The following EPHB1 variants were observed in gnomAD, a reference collection of about 807,000 sequenced individuals.
The protein encoded by EPHB1 is EPH receptor B1.
EPHB1 carries 30 observed loss-of-function variants against 94.4 expected under a neutral mutation model. The observed-to-expected ratio is 0.32, with a 90% CI of 0.24 to 0.43. The LOEUF (loss-of-function observed/expected upper bound fraction) is 0.43, where lower values mean the gene tolerates loss of function less well. EPHB1 is among the 20% of genes least tolerant of loss of function. EPHB1 has a pLI of 1.00. For synonymous variants in EPHB1, 522 were observed against 489.1 expected, an observed-to-expected ratio of 1.07 and a Z score of -0.89; for missense variants, 1,055 against 1,308.3, an observed-to-expected ratio of 0.81 and a Z score of 2.99.
intron 1 of EPHB1, among the ~76,000 whole-genome samples, chr3:134,860,361 A>G (rs1028978886): frequency 5.9e-5 from 9 of 152,176 alleles, no homozygotes; most frequent in Non-Finnish European, 1.3e-4. Context: ...ACCTAGCCAA[A>G]GAAAGGGGCC....
chr3:135,021,126 T>C (rs746367355), intron 3 of EPHB1, among the ~76,000 whole-genome samples: 6 of 152,214 alleles, frequency 3.9e-5, no homozygotes, highest in Non-Finnish European at 8.8e-5. Flanking sequence ...ACCTCTCTTA[T>C]TGTTTTTACA....
chr3:135,055,445 T>C (rs1031184191), intron 3 of EPHB1, among the ~76,000 whole-genome samples: 1 of 152,306 alleles, frequency 6.6e-6, no homozygotes, highest in Non-Finnish European at 1.5e-5. Context: ...ACTCATACCA[T>C]GATCCCCATT....
intron 3 of EPHB1, among the ~76,000 whole-genome samples, chr3:135,069,273 A>C (rs1937630950): frequency 6.6e-6 from 1 of 152,048 alleles, no homozygotes; most frequent in South Asian, 2.1e-4. Context: ...AAAACAAAAC[A>C]AAACCTCTGA....
chr3:135,037,851 T>A (rs115651206), intron 3 of EPHB1, among the ~76,000 whole-genome samples: 584 of 152,338 alleles, frequency 3.8e-3, no homozygotes, highest in Non-Finnish European at 6.9e-3. Context: ...CCAGGTTTTC[T>A]CTGCCTCCTC....
chr3:135,197,614 C>G (rs1407643909), intron 11 of EPHB1, among the ~76,000 whole-genome samples: 4 of 152,140 alleles, frequency 2.6e-5, no homozygotes, highest in Non-Finnish European at 5.9e-5. Context: ...AGTTGAAATA[C>G]CTAAATCCTT....
chr3:135,031,951 A>G (rs1936487226), intron 3 of EPHB1, among the ~76,000 whole-genome samples: 2 of 151,982 alleles, frequency 1.3e-5, no homozygotes, highest in South Asian at 4.1e-4. Context: ...TGCTGTTGGG[A>G]AAGCCAGTGA....
chr3:134,900,871 G>C (rs779800283), intron 1 of EPHB1, among the ~76,000 whole-genome samples: 1 of 152,116 alleles, frequency 6.6e-6, no homozygotes, highest in Non-Finnish European at 1.5e-5. Context: ...GTGTTGGAAG[G>C]TCTCAATGGA....
intron 12 of EPHB1, 95 bp downstream of exon 12, chr3:135,201,784 A>G: frequency 8.2e-7 from 1 of 1,223,518 alleles, no homozygotes; most frequent in Non-Finnish European, 1.2e-6. Context: ...CTGGGAGGGA[A>G]TGGAACCTGA....
At chr3:135,000,085 C>T (rs1346177633) in intron 3 of EPHB1, among the ~76,000 whole-genome samples, 2 of 152,210 alleles carry the variant, frequency 1.3e-5, no homozygotes, top group Non-Finnish European at 2.9e-5. Context: ...TCCTGCCCAC[C>T]TCCTCACTGG....
At chr3:134,848,677 G>A (rs957224140) in intron 1 of EPHB1, among the ~76,000 whole-genome samples, 1 of 152,190 alleles carries the variant, frequency 6.6e-6, no homozygotes, top group East Asian at 1.9e-4. Flanking sequence ...GCCGTTGCAG[G>A]CTGTCACGCT....
chr3:134,918,473 C>T (rs1188044675), intron 1 of EPHB1, among the ~76,000 whole-genome samples: 1 of 152,164 alleles, frequency 6.6e-6, no homozygotes, highest in Admixed American at 6.5e-5. Context: ...AAATTAGTTA[C>T]ATTTTTATTT....
intron 4 of EPHB1, among the ~76,000 whole-genome samples, chr3:135,129,621 C>G (rs750251100): frequency 2.0e-5 from 3 of 152,180 alleles, no homozygotes; most frequent in African/African-American, 4.8e-5. Flanking sequence ...CCCTGTCTAC[C>G]AGGAGGCTAC....
intron 4 of EPHB1, among the ~76,000 whole-genome samples, chr3:135,109,460 C>T (rs941975989): frequency 2.0e-5 from 3 of 152,224 alleles, no homozygotes; most frequent in African/African-American, 7.2e-5. Flanking sequence ...GTGCCTGGTT[C>T]ATAGTAAACT....
intron 1 of EPHB1, among the ~76,000 whole-genome samples, chr3:134,831,847 A>G (rs552731461): frequency 3.3e-5 from 5 of 152,192 alleles, no homozygotes; most frequent in South Asian, 2.1e-4. Context: ...GTTCAACCCT[A>G]TTGAGGGAGA....
At chr3:135,254,009 CTGTT>C (rs1269304981) in intron 15 of EPHB1, among the ~76,000 whole-genome samples, 9 of 115,632 alleles carry the variant, frequency 7.8e-5, no homozygotes, top group African/African-American at 6.7e-5. Context: ...ATTTGGCTCT[CTGTT>C]TGTCTGTTGT....
At position 135,022,815 on chromosome 3, in the gene EPHB1, TC is replaced by T. The variant is rs1267415403; in HGVS notation, c.805+70765del. 1.3e-5 allele frequency among the ~76,000 whole-genome samples: 2 copies of T among 152,224 alleles called. 1 individual carries two copies. The highest frequency in any genetic ancestry group is 2.9e-5 in the Non-Finnish European group (2 of 68,040). On this transcript the variant is annotated intron_variant, in intron 3 of 15. Coordinates refer to ENST00000398015, the MANE Select transcript of EPHB1 (RefSeq NM_004441.5). The stretch of plus-strand genomic sequence containing the variant: ...TGGGTTTTATTACTCACCTCCAGCT[TC>T]CTCATTCTCAAATTCTTCATTTGGA...
At chr3:134,805,282 G>T (rs565662940) in intron 1 of EPHB1, among the ~76,000 whole-genome samples, 4 of 152,290 alleles carry the variant, frequency 2.6e-5, no homozygotes, top group African/African-American at 9.6e-5. Context: ...CCTCCAAATG[G>T]TTTGGGATGG....
chr3:135,184,786 C>T (rs759391506), intron 10 of EPHB1, among the ~76,000 whole-genome samples: 9 of 152,224 alleles, frequency 5.9e-5, no homozygotes, highest in Non-Finnish European at 1.2e-4. Context: ...AGTATCTTCA[C>T]AGAGGGCAGC....
intron 1 of EPHB1, among the ~76,000 whole-genome samples, chr3:134,812,480 A>T (rs1319684295): frequency 6.6e-6 from 1 of 152,232 alleles, no homozygotes; most frequent in Non-Finnish European, 1.5e-5. Context: ...ATTCCATTGC[A>T]TAGATATCTC....
Sources: gnomAD v4.1 joint callset for allele counts (sites outside exome capture counted in the v4.1 genomes callset) on GRCh38, gnomAD v4.1.1 for gene constraint, MANE v1.5 for transcripts, NCBI Gene and HGNC (gene_info 2026-07-23, HGNC 2026-07-21) for gene names.